Variants in SENP6 observed in about 807,000 individuals in gnomAD.
SENP6 encodes the protein sentrin-specific protease 6.
In SENP6, 41 loss-of-function variants were observed where a neutral mutation model predicts 134.5. That is an observed-to-expected ratio of 0.30 (90% CI 0.24 to 0.40). The LOEUF (loss-of-function observed/expected upper bound fraction) is 0.40, where lower values mean the gene tolerates loss of function less well. Ranked by LOEUF, SENP6 falls within the 10% of genes least tolerant of loss-of-function variation. The pLI is 1.00. For missense variants in SENP6, 1,248 were observed against 1,312.5 expected (o/e 0.95, Z 0.76); for synonymous variants, 395 against 429.8 (o/e 0.92, Z 1.00).
Position 75,677,132 on chromosome 6 carries a change from A to G in SENP6, c.1724A>G (p.Asn575Ser). ...SIINEIGIKNNISNFFAKIPF... is the reference protein window; with the variant it reads ...SIINEIGIKNSISNFFAKIPF... ...ATTAATGAAATTGGTATAAAGAATA[A>G]CATCTCCAATTTTTTTGCGAAAATT... The change falls in exon 14 of 24, where the codon AAC (asparagine) becomes AGC (serine). Residue 575 changes from asparagine to serine, a missense_variant. Asn to Ser is a conservative substitution (Grantham distance 46). Coordinates refer to ENST00000447266, the MANE Select transcript of SENP6 (RefSeq NM_015571.4). The G allele has an allele frequency of 6.2e-7, 1 of 1,610,818 alleles. No homozygotes were observed. Among genetic ancestry groups the G allele is most frequent in the African/African-American group, 1.3e-5 (1 of 74,982 alleles).
intron 16 of SENP6, among the ~76,000 whole-genome samples, chr6:75,692,242 A>G (rs1203348580): frequency 6.6e-6 from 1 of 152,160 alleles, no homozygotes; most frequent in Non-Finnish European, 1.5e-5. Flanking sequence ...AATAGTTGTG[A>G]CACATGTACA....
At chr6:75,609,224 C>T (rs1222314990) in intron 1 of SENP6, among the ~76,000 whole-genome samples, 1 of 152,202 alleles carries the variant, frequency 6.6e-6, no homozygotes, top group African/African-American at 2.4e-5. Context: ...CATCACTTTG[C>T]TTCCCTATTC....
chr6:75,634,751 A>T lies in SENP6; in HGVS notation c.398A>T (p.His133Leu). The stretch of plus-strand genomic sequence containing the variant: ...TCATTATGTTCTGGAACTGTAGTTC[A>T]TGGTAGACGTTTTCATCATGCTCAT... ...NTSLCSGTVV[H>L]GRRFHHAHAQ... Residue 133 changes from histidine (H) to leucine (L), a missense_variant, in exon 5 of 24, where the codon CAT (histidine) becomes CTT (leucine). Transcript: ENST00000447266. 1 of 1,594,920 alleles carries T rather than the reference A, an allele frequency of 6.3e-7. No individual in the cohort carries two copies. The highest frequency in any genetic ancestry group is 8.5e-7 in the Non-Finnish European group (1 of 1,175,804).
intron 7 of SENP6, among the ~76,000 whole-genome samples, chr6:75,655,835 G>A (rs368207965): frequency 2.7e-4 from 41 of 151,580 alleles, no homozygotes; most frequent in African/African-American, 9.0e-4. Context: ...TATTTATATC[G>A]AACCTGTATA....
chr6:75,628,436 T>G (rs1203552195), intron 3 of SENP6, among the ~76,000 whole-genome samples: 1 of 152,134 alleles, frequency 6.6e-6, no homozygotes, highest in Non-Finnish European at 1.5e-5. Context: ...TTTATAATTA[T>G]TAAATTTATT....
intron 7 of SENP6, among the ~76,000 whole-genome samples, chr6:75,655,599 T>C (rs995306340): frequency 2.6e-5 from 4 of 152,206 alleles, no homozygotes; most frequent in African/African-American, 7.2e-5. Context: ...AGGATCTTAT[T>C]TTGAGACTCA....
chr6:75,623,506 T>C (rs893548172), intron 2 of SENP6, among the ~76,000 whole-genome samples: 67 of 152,184 alleles, frequency 4.4e-4, no homozygotes, highest in African/African-American at 1.5e-3. Flanking sequence ...TTCATTTCTT[T>C]GTTTCTCTAT....
chr6:75,682,309 A>C (rs1262763256), intron 16 of SENP6, among the ~76,000 whole-genome samples: 1 of 152,210 alleles, frequency 6.6e-6, no homozygotes, highest in Non-Finnish European at 1.5e-5. Flanking sequence ...CTCTCTCAAC[A>C]ATTGATAGAA....
chr6:75,603,748 C>T (rs1052333197), intron 1 of SENP6, among the ~76,000 whole-genome samples: 4 of 151,990 alleles, frequency 2.6e-5, no homozygotes, highest in African/African-American at 9.7e-5. Flanking sequence ...CAGTGTTAGT[C>T]TAGTGAAAGA....
intron 9 of SENP6, among the ~76,000 whole-genome samples, chr6:75,664,260 T>TGA (rs1554168842): frequency 7.1e-6 from 1 of 140,468 alleles, no homozygotes; most frequent in Non-Finnish European, 1.6e-5. Context: ...ACCCTGTTGC[T>TGA]AAAAAAAAAA....
At chr6:75,654,952 A>AT (rs1436457799) in intron 7 of SENP6, 1 of 152,158 alleles carries the variant, frequency 6.6e-6, no homozygotes, top group Non-Finnish European at 1.5e-5. Flanking sequence ...AATTCATCTT[A>AT]TTTTTTGATG....
At chr6:75,689,018 A>T (rs749351858) in intron 16 of SENP6, among the ~76,000 whole-genome samples, 2 of 152,176 alleles carry the variant, frequency 1.3e-5, no homozygotes, top group Non-Finnish European at 2.9e-5. Flanking sequence ...GGGAGCCGAG[A>T]TCATGCCATT....
intron 1 of SENP6, among the ~76,000 whole-genome samples, chr6:75,603,203 A>C (rs1766769856): frequency 6.6e-6 from 1 of 152,206 alleles, no homozygotes. Flanking sequence ...GCTTATTGAC[A>C]CAATTTGAGT....
chr6:75,627,460 T>G (rs1015219527), intron 3 of SENP6, among the ~76,000 whole-genome samples: 2 of 152,048 alleles, frequency 1.3e-5, no homozygotes, highest in Admixed American at 6.6e-5. Context: ...AGGAGTGAAC[T>G]TGGTAGATGA....
chr6:75,638,594 A>G (rs541142893), intron 5 of SENP6, among the ~76,000 whole-genome samples: 6,844 of 38,092 alleles, frequency 0.18, 509 homozygotes, highest in Non-Finnish European at 0.25. Flanking sequence ...GTGTGTGTAT[A>G]TATATATATA....
intron 2 of SENP6, among the ~76,000 whole-genome samples, chr6:75,622,551 TC>T (rs1768355750): frequency 6.6e-6 from 1 of 152,170 alleles, no homozygotes; most frequent in Non-Finnish European, 1.5e-5. Flanking sequence ...AGAGTAAGAC[TC>T]CGTCTCAACA....
chr6:75,653,572 G>T (rs1420775760), intron 7 of SENP6, among the ~76,000 whole-genome samples: 2 of 151,534 alleles, frequency 1.3e-5, no homozygotes, highest in Non-Finnish European at 2.9e-5. Context: ...ATGCGTTTGG[G>T]TGAATGTCAG....
chr6:75,686,331 G>A (rs1773838668), intron 16 of SENP6, among the ~76,000 whole-genome samples: 2 of 152,042 alleles, frequency 1.3e-5, no homozygotes, highest in Admixed American at 1.3e-4. Flanking sequence ...CACACTGATG[G>A]GTCTTGACTC....
intron 13 of SENP6, among the ~76,000 whole-genome samples, chr6:75,676,322 T>C (rs1773082824): frequency 6.6e-6 from 1 of 152,144 alleles, no homozygotes; most frequent in South Asian, 2.1e-4. Context: ...TCTGCACTCT[T>C]AACTAACACT....
Sources: allele counts gnomAD v4.1 joint callset (sites outside exome capture counted in the v4.1 genomes callset), GRCh38; gene constraint gnomAD v4.1.1; transcripts MANE v1.5; gene names NCBI Gene and HGNC (gene_info 2026-07-23, HGNC 2026-07-21).